The following PDE10A variants were observed in gnomAD, a reference collection of about 807,000 sequenced individuals.
PDE10A encodes the protein phosphodiesterase 10A.
A neutral mutation model predicts 97.7 loss-of-function variants in PDE10A; 39 were observed. The ratio of observed to expected loss-of-function variants is 0.40; its 90% CI spans 0.31 to 0.52. The LOEUF (loss-of-function observed/expected upper bound fraction) is 0.52, where lower values mean the gene tolerates loss of function less well. Among genes scored for constraint, PDE10A ranks in the 20% least tolerant of loss-of-function variants. The pLI, the probability that PDE10A is intolerant of heterozygous loss-of-function variation, is 0.56. For missense variants in PDE10A, 731 were observed against 1,047.8 expected, an observed-to-expected ratio of 0.70 and a Z score of 4.17; for synonymous variants, 371 against 376.8, an observed-to-expected ratio of 0.98 and a Z score of 0.18.
chr6:165,789,999 A>G (rs891827654), intron 1 of PDE10A, among the ~76,000 whole-genome samples: 2 of 152,188 alleles, frequency 1.3e-5, no homozygotes, highest in South Asian at 4.2e-4. Context: ...GGAACTGTCA[A>G]TTTTCAAACT....
intron 1 of PDE10A, among the ~76,000 whole-genome samples, chr6:165,896,676 C>A (rs1781958700): frequency 6.6e-6 from 1 of 152,104 alleles, no homozygotes; most frequent in Non-Finnish European, 1.5e-5. Flanking sequence ...AGGCGCCCAC[C>A]ACCATGCCCT....
intron 18 of PDE10A, among the ~76,000 whole-genome samples, chr6:165,357,521 G>GGTTT (rs369349670): frequency 5.9e-5 from 9 of 151,904 alleles, no homozygotes; most frequent in Admixed American, 2.0e-4. Flanking sequence ...AGGGATGGGT[G>GGTTT]GTTTGTTTGT....
chr6:165,783,359 G>T (rs1184307449), intron 1 of PDE10A, among the ~76,000 whole-genome samples: 2 of 152,126 alleles, frequency 1.3e-5, no homozygotes, highest in Non-Finnish European at 2.9e-5. Flanking sequence ...GTTAGGACCA[G>T]GTCTTTTAGA....
chr6:165,382,340 T>C (rs1387796950), intron 17 of PDE10A, among the ~76,000 whole-genome samples: 4 of 152,122 alleles, frequency 2.6e-5, no homozygotes, highest in Admixed American at 6.6e-5. Context: ...CCACCGCTTT[T>C]GGAAAAAAAT....
chr6:165,536,160 C>G (rs1783073049), intron 2 of PDE10A, among the ~76,000 whole-genome samples: 1 of 151,886 alleles, frequency 6.6e-6, no homozygotes, highest in Admixed American at 6.6e-5. Context: ...AGAAATAAAT[C>G]CATATTTTTT....
intron 1 of PDE10A, among the ~76,000 whole-genome samples, chr6:165,850,387 G>C (rs918355924): frequency 6.6e-6 from 1 of 152,208 alleles, no homozygotes; most frequent in Non-Finnish European, 1.5e-5. Flanking sequence ...GAACACATTT[G>C]TAGAACAGAA....
intron 1 of PDE10A, chr6:165,909,143 C>A (rs545316676): frequency 1.3e-5 from 2 of 152,000 alleles, no homozygotes; most frequent in Admixed American, 6.6e-5. Flanking sequence ...TTGATTTAAT[C>A]GATTTGAGAG....
chr6:165,371,633 A>C (rs948254755), intron 18 of PDE10A, among the ~76,000 whole-genome samples: 1 of 152,206 alleles, frequency 6.6e-6, no homozygotes, highest in African/African-American at 2.4e-5. Context: ...ATTCACAGCC[A>C]AATTCTACCA....
intron 2 of PDE10A, among the ~76,000 whole-genome samples, chr6:165,522,610 A>C (rs144136853): frequency 7.5e-4 from 114 of 152,232 alleles, no homozygotes; most frequent in African/African-American, 2.7e-3. Flanking sequence ...CACTGGGAGA[A>C]CATACCTCAA....
In PDE10A at chr6:165,875,731, G is replaced by GTTTTTTTTTGTTT. The variant is rs1554334699; in HGVS notation, c.-615+111797_-615+111798insAAACAAAAAAAAA. Among the ~76,000 whole-genome samples, 10 of 46,938 alleles carry GTTTTTTTTTGTTT rather than the reference G, an allele frequency of 2.1e-4. 1 individual carries two copies. The highest frequency in any genetic ancestry group is 1.5e-3 in the East Asian group (1 of 674). 30.8% of individuals were successfully genotyped at this position (46,938 alleles called of 152,430 possible). On this transcript the variant is annotated intron_variant, in intron 1 of 19. Transcript: ENST00000366882. ...CTGATAGGACTTATTTTCTTTTACT[G>GTTTTTTTTTGTTT]TTTTTTTTTTTTTTTTGTGTGTGTG...
At chr6:165,707,921 A>G (rs971254567) in intron 1 of PDE10A, among the ~76,000 whole-genome samples, 1 of 152,136 alleles carries the variant, frequency 6.6e-6, no homozygotes, top group Non-Finnish European at 1.5e-5. Flanking sequence ...CCTCCTGCAG[A>G]TAAGAGAAGA....
At chr6:165,605,463 G>A (rs1334862023) in intron 1 of PDE10A, among the ~76,000 whole-genome samples, 2 of 152,176 alleles carry the variant, frequency 1.3e-5, no homozygotes, top group African/African-American at 4.8e-5. Context: ...TTCACAGTTT[G>A]TTCATGCTAT....
intron 1 of PDE10A, among the ~76,000 whole-genome samples, chr6:165,811,269 G>C (rs1779276945): frequency 6.6e-6 from 1 of 152,056 alleles, no homozygotes; most frequent in African/African-American, 2.4e-5. Flanking sequence ...GCACTTCCTA[G>C]AAGCTAGCAT....
chr6:165,492,449 C>T (rs1232454103), intron 2 of PDE10A, among the ~76,000 whole-genome samples: 1 of 151,902 alleles, frequency 6.6e-6, no homozygotes, highest in African/African-American at 2.4e-5. Flanking sequence ...AACATAGATG[C>T]AAAAGTCCTA....
At chr6:165,772,152 C>T (rs1583066267) in intron 1 of PDE10A, among the ~76,000 whole-genome samples, 1 of 152,260 alleles carries the variant, frequency 6.6e-6, no homozygotes, top group East Asian at 1.9e-4. Context: ...GTGTTTTTAG[C>T]CCCACCGGCA....
intron 18 of PDE10A, among the ~76,000 whole-genome samples, chr6:165,365,370 G>A (rs1350519288): frequency 6.6e-6 from 1 of 152,134 alleles, no homozygotes; most frequent in Non-Finnish European, 1.5e-5. Context: ...AACCATAAAA[G>A]ACACTGAAAG....
intron 1 of PDE10A, among the ~76,000 whole-genome samples, chr6:165,924,777 C>A (rs1392776184): frequency 6.6e-6 from 1 of 152,158 alleles, no homozygotes; most frequent in African/African-American, 2.4e-5. Flanking sequence ...AAATGGATCA[C>A]AAACTTAAAT....
At chr6:165,487,389 A>G (rs369050808) in intron 2 of PDE10A, among the ~76,000 whole-genome samples, 1 of 152,218 alleles carries the variant, frequency 6.6e-6, no homozygotes, top group South Asian at 2.1e-4. Flanking sequence ...TTGCAGGGAA[A>G]AAAGCTCAGG....
At chr6:165,731,104 G>T (rs574423943) in intron 1 of PDE10A, among the ~76,000 whole-genome samples, 1 of 152,192 alleles carries the variant, frequency 6.6e-6, no homozygotes, top group Non-Finnish European at 1.5e-5. Context: ...CCCATGCCGC[G>T]CCGCGGAACC....
Sources: gnomAD v4.1 joint callset for allele counts (sites outside exome capture counted in the v4.1 genomes callset) on GRCh38, gnomAD v4.1.1 for gene constraint, MANE v1.5 for transcripts, NCBI Gene and HGNC (gene_info 2026-07-23, HGNC 2026-07-21) for gene names.